Variants in ANKRD35 observed in about 807,000 individuals in gnomAD.
ANKRD35 encodes ankyrin repeat domain 35, also known as ankyrin repeat domain-containing protein 35.
A neutral mutation model predicts 109.9 loss-of-function variants in ANKRD35; 102 were observed. The observed-to-expected ratio is 0.93, with a 90% CI of 0.79 to 1.09. The LOEUF is 1.09. Among genes scored for constraint, ANKRD35 ranks in the 50% least tolerant of loss-of-function variants. ANKRD35 has a pLI of 0.00. For synonymous variants in ANKRD35, 515 were observed against 512.4 expected, an observed-to-expected ratio of 1.01 and a Z score of -0.07; for missense variants, 1,240 against 1,230.1, an observed-to-expected ratio of 1.01 and a Z score of -0.12.
At chr1:145,869,631 C>G (rs1175727733) in intron 10 of ANKRD35, among the ~76,000 whole-genome samples, 1 of 151,934 alleles carries the variant, frequency 6.6e-6, no homozygotes, top group Non-Finnish European at 1.5e-5. Flanking sequence ...CCATACTCAG[C>G]TAATTTTTGT....
chr1:145,872,378 C>T lies in ANKRD35; in HGVS notation c.2391G>A (p.Gln797=), dbSNP rs1553738901. The T allele has an allele frequency of 1.9e-6, 3 of 1,613,076 alleles. No individual in the cohort carries two copies. The African/African-American group carries it at 4.0e-5, about 22-fold the overall frequency. The change falls in exon 10 of 14, where the codon CAG becomes CAA. Residue 797 remains glutamine (Q), a synonymous_variant. Transcript: ENST00000355594. The stretch of plus-strand genomic sequence containing the variant: ...CCTGGCTCTTCCCGCTCATCGTGGC[C>T]TGAACTGCCCGCAGCTCTTCCTCCA... The part of the protein sequence containing the change: ...GKLEEELRAV[Q]ATMSGKSQEI...
intron 1 of ANKRD35, among the ~76,000 whole-genome samples, chr1:145,885,313 C>T (rs1276225122): frequency 2.6e-5 from 4 of 151,924 alleles, no homozygotes; most frequent in African/African-American, 9.7e-5. Context: ...ATATGGGGCT[C>T]TGGGGCATGA....
intron 1 of ANKRD35, among the ~76,000 whole-genome samples, chr1:145,879,988 C>T (rs1654228346): frequency 6.6e-6 from 1 of 152,166 alleles, no homozygotes; most frequent in South Asian, 2.1e-4. Flanking sequence ...TCTGTTTTCC[C>T]ATATCATATC....
chr1:145,878,852 G>A (rs1342808577), intron 2 of ANKRD35, among the ~76,000 whole-genome samples: 1 of 152,070 alleles, frequency 6.6e-6, no homozygotes, highest in Admixed American at 6.5e-5. Context: ...TAGAGACAAG[G>A]GATAACATTT....
intron 1 of ANKRD35, among the ~76,000 whole-genome samples, chr1:145,882,512 A>G (rs587683666): frequency 6.8e-6 from 1 of 147,990 alleles, no homozygotes; most frequent in Non-Finnish European, 1.5e-5. Context: ...GCTGGTCTCA[A>G]AAACTCCTGG....
intron 7 of ANKRD35, 37 bp from the exon 8 acceptor site, chr1:145,875,043 C>A (rs782383803): frequency 6.5e-7 from 1 of 1,543,530 alleles, no homozygotes; most frequent in East Asian, 2.3e-5. Flanking sequence ...AGACTTTCCA[C>A]ATGGAACCCA....
Position 145,878,430 on chromosome 1 carries a change from G to A in ANKRD35, c.220C>T (p.Leu74Phe). Residue 74 changes from leucine to phenylalanine, a missense_variant, in exon 3 of 14, where the codon CTT becomes TTT. Transcript: ENST00000355594. Reference sequence around the variant, plus strand: ...CTGTTGATGTCAGCCCCATTTGCAAGCAGGATAGTCAGACATTCTGTCAGG... The same window carrying A: ...CTGTTGATGTCAGCCCCATTTGCAAACAGGATAGTCAGACATTCTGTCAGG... ...KGLTECLTIL[L>F]ANGADINSKN... is the part of the protein sequence containing the mutation. 1.9e-6 allele frequency: 3 copies of A among 1,573,250 alleles called. No individual in the cohort carries two copies. The highest frequency in any genetic ancestry group is 2.3e-5 in the South Asian group (2 of 85,642).
intron 7 of ANKRD35, among the ~76,000 whole-genome samples, chr1:145,875,335 G>C (rs1654028520): frequency 6.6e-6 from 1 of 151,548 alleles, no homozygotes; most frequent in Non-Finnish European, 1.5e-5. Context: ...AGTAGAGACA[G>C]GGTTTCTCCA....
intron 1 of ANKRD35, among the ~76,000 whole-genome samples, chr1:145,881,505 C>T (rs1354602017): frequency 2.6e-5 from 4 of 152,192 alleles, no homozygotes; most frequent in African/African-American, 7.2e-5. Flanking sequence ...AGCAAAATGA[C>T]TCCTTCACAT....
Position 145,867,372 on chromosome 1 carries a change from C to T in ANKRD35, c.2964G>A (p.Val988=). 1 of 1,613,958 alleles carries T rather than the reference C, an allele frequency of 6.2e-7. No individual in the cohort carries two copies. Among genetic ancestry groups the T allele is most frequent in the Non-Finnish European group, 8.5e-7 (1 of 1,179,942 alleles). Residue 988 remains valine, a synonymous_variant, in exon 13 of 14, where the codon GTG becomes GTA. Transcript: ENST00000355594. ...NAARGYMEHE[V]YNILLQILSM... is the part of the protein sequence containing the mutation. ...TAAGGATTTGCAGCAGGATATTGTA[C>T]ACTTCATGTTCCATGTAACCCTGTA...
chr1:145,876,168 G>A lies in ANKRD35; in HGVS notation c.532C>T (p.Arg178Ter), dbSNP rs151076205. The A allele has an allele frequency of 5.2e-5, 84 of 1,613,802 alleles. No homozygotes were observed. Among genetic ancestry groups the A allele is most frequent in the Admixed American group, 1.7e-4 (10 of 59,988 alleles). ...ICSQLLQRGARVNVTDKNDKS... is the reference protein window; with the variant it reads ...ICSQLLQRGA ...TCATTCTTGTCTGTAACATTAACTC[G>A]GGCGCCTCGCTGCAGCAGCTGTGAG... Residue 178 changes from arginine to a stop codon, truncating the protein, a stop_gained, in exon 7 of 14, where the codon CGA becomes TGA. Transcript: ENST00000355594. LOFTEE classifies it high-confidence loss of function.
At chr1:145,875,307 G>A (rs112570740) in intron 7 of ANKRD35, among the ~76,000 whole-genome samples, 7 of 151,524 alleles carry the variant, frequency 4.6e-5, no homozygotes, top group Non-Finnish European at 1.0e-4. Flanking sequence ...CACCACACCC[G>A]GCTAATTTTG....
chr1:145,881,322 C>T (rs1654277778), intron 1 of ANKRD35, among the ~76,000 whole-genome samples: 1 of 151,958 alleles, frequency 6.6e-6, no homozygotes, highest in Non-Finnish European at 1.5e-5. Flanking sequence ...CCCAGTCCAC[C>T]TGATGCCAAA....
Position 145,873,519 on chromosome 1 carries a change from T to C in ANKRD35, c.1250A>G (p.His417Arg), listed in dbSNP as rs931085915. The C allele has an allele frequency of 1.2e-6, 2 of 1,614,082 alleles. No individual in the cohort carries two copies. The highest frequency in any genetic ancestry group is 1.7e-6 in the Non-Finnish European group (2 of 1,179,990). The change falls in exon 10 of 14, where the codon CAT becomes CGT. Residue 417 changes from histidine (H) to arginine (R), a missense_variant. His to Arg is a conservative substitution (Grantham distance 29). Coordinates refer to ENST00000355594, the MANE Select transcript of ANKRD35 (RefSeq NM_144698.5). ...SAPGKIQYEVHGRSQPEEQGP... is the reference protein window; with the variant it reads ...SAPGKIQYEVRGRSQPEEQGP... ...CTGTTCTTCTGGTTGGGACCTTCCA[T>C]GGACTTCATACTGGATCTTTCCTGG...
intron 10 of ANKRD35, among the ~76,000 whole-genome samples, chr1:145,870,130 G>A (rs929250362): frequency 2.8e-5 from 4 of 141,820 alleles, no homozygotes; most frequent in Non-Finnish European, 6.0e-5. Flanking sequence ...TGGCTCTGTC[G>A]CCCAGGCTGG....
chr1:145,876,466 G>T, intron 6 of ANKRD35, 103 bp downstream of exon 6: 2 of 1,342,898 alleles, frequency 1.5e-6, no homozygotes, highest in Non-Finnish European at 2.1e-6. Flanking sequence ...AGAGAAGGGT[G>T]GTGCTAACAC....
chr1:145,878,551 C>A, intron 2 of ANKRD35, 72 bp from the exon 3 acceptor site: 1 of 1,417,000 alleles, frequency 7.1e-7, no homozygotes, highest in South Asian at 1.2e-5. Context: ...TCTTGATAAG[C>A]CCTTCTTGCT....
Position 145,872,553 on chromosome 1 carries a change from C to T in ANKRD35, c.2216G>A (p.Arg739Gln). The change falls in exon 10 of 14, where the codon CGG becomes CAG. Residue 739 changes from arginine to glutamine, a missense_variant. Transcript: ENST00000355594. ...LRACISTLVD[R>Q]HREAQQVLAR... ...CAGCACCTGCTGGGCCTCCCGGTGC[C>T]GATCCACCAGGGTGCTGATGCAGGC... 6.2e-7 allele frequency: 1 copy of T among 1,609,550 alleles called. No homozygotes were observed. The highest frequency in any genetic ancestry group is 8.5e-7 in the Non-Finnish European group (1 of 1,177,924).
Position 145,867,265 on chromosome 1 carries a change from T to C in ANKRD35, c.*43+22A>G, listed in dbSNP as rs1653638165. 5 of 1,515,434 alleles carry C rather than the reference T, an allele frequency of 3.3e-6. No homozygotes were observed. The Admixed American group carries it at 8.4e-5, about 25-fold the overall frequency. 93.9% of individuals were successfully genotyped at this position (1,515,434 alleles called of 1,614,324 possible). A position where few individuals can be genotyped will look rare whatever the true frequency, so the allele number is the denominator to read the frequency against. On this transcript the variant is annotated intron_variant, in intron 13 of 13. Coordinates refer to ENST00000355594, the MANE Select transcript of ANKRD35 (RefSeq NM_144698.5). ...CCTTTCTCCCAAACTCCTTCCCTCA[T>C]CACCCTTAACCCACAACTCACAACA...
Sources: gnomAD v4.1 joint callset for allele counts (sites outside exome capture counted in the v4.1 genomes callset) on GRCh38, gnomAD v4.1.1 for gene constraint, MANE v1.5 for transcripts, NCBI Gene and HGNC (gene_info 2026-07-23, HGNC 2026-07-21) for gene names.